TEX28: variants seen among roughly 807,000 people sequenced by gnomAD.
TEX28 encodes testis expressed 28, also known as testis-specific protein TEX28.
At chrX:154,294,722 G>A (rs1315410517), upstream of TEX28, among the ~76,000 whole-genome samples, 1 of 109,977 alleles carries the variant, frequency 9.1e-6, no homozygotes, top group Non-Finnish European at 1.9e-5. Flanking sequence ...AGAATCGCTT[G>A]AAGCCAGGAG....
At chrX:154,294,459 C>T (rs1330041366), upstream of TEX28, among the ~76,000 whole-genome samples, 1 of 108,210 alleles carries the variant, frequency 9.2e-6, no homozygotes, top group Non-Finnish European at 1.9e-5. Flanking sequence ...CTCCGCTTCC[C>T]GGATTCAAGT....
chrX:154,293,358 G>GA (rs1557162966), upstream of TEX28, among the ~76,000 whole-genome samples: 93 of 89,461 alleles, frequency 1.0e-3, 2 homozygotes, highest in Non-Finnish European at 6.3e-4. Flanking sequence ...AAGAAAGAAA[G>GA]AAAGGGGGAG....
chrX:154,294,859 C>A (rs1557163618), upstream of TEX28, among the ~76,000 whole-genome samples: 1 of 111,864 alleles, frequency 8.9e-6, no homozygotes, highest in Non-Finnish European at 1.9e-5. Context: ...CATGGGAACC[C>A]AAGGGCATTC....
upstream of TEX28, among the ~76,000 whole-genome samples, chrX:154,294,833 C>T (rs1373573801): frequency 1.8e-5 from 2 of 111,900 alleles, no homozygotes; most frequent in South Asian, 3.7e-4. Flanking sequence ...CACACATTCC[C>T]TTTAACCCAG....
At chrX:154,294,991 G>T (rs782384856), upstream of TEX28, 172 of 111,994 alleles carry the variant, frequency 1.5e-3, no homozygotes, top group African/African-American at 5.5e-3. Context: ...TGGAGCTGGC[G>T]CCGTTGGGAG....
chrX:154,294,709 A>T (rs1482984639), upstream of TEX28, among the ~76,000 whole-genome samples: 1 of 110,172 alleles, frequency 9.1e-6, no homozygotes, highest in Non-Finnish European at 1.9e-5. Context: ...AGGCTGAGGC[A>T]GGAGAATCGC....
chrX:154,293,262 T>A (rs1202910528), upstream of TEX28, among the ~76,000 whole-genome samples: 2 of 56,087 alleles, frequency 3.6e-5, no homozygotes, highest in Non-Finnish European at 5.9e-5. Flanking sequence ...AAGTAATCAC[T>A]AGAAAAGAAG....
At chrX:154,293,281 G>A (rs2067195647), upstream of TEX28, among the ~76,000 whole-genome samples, 1 of 70,305 alleles carries the variant, frequency 1.4e-5, no homozygotes, top group Non-Finnish European at 2.4e-5. Context: ...AGCTACATAT[G>A]TACATAACAT....
chrX:154,294,010 C>T (rs2067199013), upstream of TEX28, among the ~76,000 whole-genome samples: 1 of 71,990 alleles, frequency 1.4e-5, no homozygotes, highest in Non-Finnish European at 2.6e-5. Context: ...ACATACCCTG[C>T]AAGTGGGAAT....
chrX:154,294,028 G>A (rs2067199072), upstream of TEX28, among the ~76,000 whole-genome samples: 1 of 74,047 alleles, frequency 1.4e-5, no homozygotes, highest in African/African-American at 5.4e-5. Context: ...AATCTAAACA[G>A]ATTCAGGGTT....
At chrX:154,294,240 T>G (rs1236551680), upstream of TEX28, among the ~76,000 whole-genome samples, 2 of 109,551 alleles carry the variant, frequency 1.8e-5, no homozygotes, top group Non-Finnish European at 3.8e-5. Flanking sequence ...CCAGCTAATT[T>G]TTTTGTATTT....
chrX:154,292,947 G>GC, upstream of TEX28, among the ~76,000 whole-genome samples: 1 of 5,348 alleles, frequency 1.9e-4, no homozygotes, highest in Non-Finnish European at 3.3e-4. Context: ...AGAGCGGGGG[G>GC]GGGGGGCCGG....
chrX:154,295,021 G>A (rs1187982196), upstream of TEX28: 3 of 111,914 alleles, frequency 2.7e-5, no homozygotes, highest in African/African-American at 9.8e-5. Context: ...TTCTGGGTCG[G>A]TAGGTCACCT....
upstream of TEX28, among the ~76,000 whole-genome samples, chrX:154,294,636 T>C: frequency 9.1e-6 from 1 of 109,432 alleles, no homozygotes; most frequent in Non-Finnish European, 1.9e-5. Context: ...AACCCGTCTC[T>C]ACTAAAAATA....
upstream of TEX28, among the ~76,000 whole-genome samples, chrX:154,292,985 T>A (rs2067194398): frequency 4.9e-4 from 1 of 2,041 alleles, no homozygotes; most frequent in African/African-American, 3.9e-3. Context: ...ACAGCTGTAA[T>A]CCCAGCACTT....
upstream of TEX28, chrX:154,295,088 G>A (rs1366199542): frequency 1.8e-5 from 2 of 111,769 alleles, no homozygotes; most frequent in Admixed American, 9.4e-5. Context: ...TGGCACCACC[G>A]GACATGGGGC....
chrX:154,294,752 A>C (rs2067205460), upstream of TEX28, among the ~76,000 whole-genome samples: 1 of 109,750 alleles, frequency 9.1e-6, no homozygotes, highest in Non-Finnish European at 1.9e-5. Flanking sequence ...GCAACGAGCT[A>C]AGTTCGAGCC....
chrX:154,294,535 C>T (rs1280436235), upstream of TEX28, among the ~76,000 whole-genome samples: 2 of 102,291 alleles, frequency 2.0e-5, no homozygotes, highest in Non-Finnish European at 3.9e-5. Context: ...GGCATGGTGG[C>T]TCACACCTGT....
upstream of TEX28, among the ~76,000 whole-genome samples, chrX:154,294,068 C>G (rs2067199441): frequency 1.3e-5 from 1 of 78,599 alleles, no homozygotes; most frequent in South Asian, 7.7e-4. Context: ...AATTAGGTGG[C>G]CTGTTAAATT....
Sources: allele counts gnomAD v4.1 joint callset (sites outside exome capture counted in the v4.1 genomes callset), GRCh38; gene constraint gnomAD v4.1.1; transcripts MANE v1.5; gene names NCBI Gene and HGNC (gene_info 2026-07-23, HGNC 2026-07-21).